Variants in GNG4 observed in about 807,000 individuals in gnomAD.
GNG4 encodes guanine nucleotide-binding protein G(I)/G(S)/G(O) subunit gamma-4.
In GNG4, 4 loss-of-function variants were observed where a neutral mutation model predicts 5.8. The observed-to-expected ratio is 0.69, with a 90% CI of 0.34 to 1.57. The LOEUF (loss-of-function observed/expected upper bound fraction) is 1.57, where lower values mean the gene tolerates loss of function less well. Among genes scored for constraint, GNG4 ranks in the 40% most tolerant of loss-of-function variants. The probability of loss-of-function intolerance (pLI) is 0.06; values close to 1 mark genes in which losing one functional copy is unlikely to be tolerated. For missense variants in GNG4, 96 were observed against 95.1 expected, an observed-to-expected ratio of 1.01 and a Z score of -0.04; for synonymous variants, 29 against 32.9, an observed-to-expected ratio of 0.88 and a Z score of 0.41.
intron 1 of GNG4, among the ~76,000 whole-genome samples, chr1:235,609,244 T>C (rs1000713081): frequency 3.3e-5 from 5 of 152,158 alleles, no homozygotes; most frequent in African/African-American, 7.2e-5. Context: ...GTGCACCACA[T>C]TTAGTTTATC....
chr1:235,609,615 T>C (rs1286272737), intron 1 of GNG4, among the ~76,000 whole-genome samples: 1 of 152,154 alleles, frequency 6.6e-6, no homozygotes, highest in Non-Finnish European at 1.5e-5. Context: ...AAGTATAGCA[T>C]AAAGAAAAGT....
chr1:235,592,638 G>C (rs1168772789), intron 2 of GNG4, among the ~76,000 whole-genome samples: 1 of 152,170 alleles, frequency 6.6e-6, no homozygotes, highest in Non-Finnish European at 1.5e-5. Context: ...TTGCAAATCA[G>C]AAGATCTTTA....
At chr1:235,638,282 C>T (rs1237330360) in intron 1 of GNG4, among the ~76,000 whole-genome samples, 1 of 152,160 alleles carries the variant, frequency 6.6e-6, no homozygotes, top group Non-Finnish European at 1.5e-5. Flanking sequence ...GGCTACAACA[C>T]ATTACCATAT....
intron 1 of GNG4, among the ~76,000 whole-genome samples, chr1:235,638,279 A>G (rs536560680): frequency 2.3e-3 from 345 of 152,254 alleles, no homozygotes; most frequent in Middle Eastern, 6.8e-3. Context: ...TGTGGCTACA[A>G]CACATTACCA....
intron 3 of GNG4, among the ~76,000 whole-genome samples, chr1:235,561,374 CTT>C (rs1315218177): frequency 6.6e-6 from 1 of 152,026 alleles, no homozygotes; most frequent in East Asian, 1.9e-4. Flanking sequence ...TTCTCTCTCT[CTT>C]GCTCTCTTGC....
At chr1:235,609,059 C>G (rs182105605) in intron 1 of GNG4, among the ~76,000 whole-genome samples, 4 of 152,090 alleles carry the variant, frequency 2.6e-5, no homozygotes, top group Non-Finnish European at 5.9e-5. Context: ...TCTCAAACAC[C>G]TGGCTCCAAG....
Position 235,600,100 on chromosome 1 carries a change from C to CTTTTTTTTTTTTTTTTTTTTTTT in GNG4, c.-122-4612_-122-4590dup, listed in dbSNP as rs533853180. Among the ~76,000 whole-genome samples, 11 of 43,138 alleles carry CTTTTTTTTTTTTTTTTTTTTTTT rather than the reference C, an allele frequency of 2.5e-4. 3 individuals are homozygous for CTTTTTTTTTTTTTTTTTTTTTTT. Among genetic ancestry groups the CTTTTTTTTTTTTTTTTTTTTTTT allele is most frequent in the South Asian group, 9.4e-4 (1 of 1,062 alleles). 28.3% of individuals were successfully genotyped at this position (43,138 alleles called of 152,430 possible). A position where few individuals can be genotyped will look rare whatever the true frequency, so the allele number is the denominator to read the frequency against. On this transcript the variant is annotated intron_variant, in intron 1 of 3. Coordinates refer to ENST00000391854, the MANE Select transcript of GNG4 (RefSeq NM_001098722.2). ...TCCTTTATCTGGTTGCGGAAGAAAG[C>CTTTTTTTTTTTTTTTTTTTTTTT]TTTTTTTTTTTTTTTTTTTTTTTTT...
chr1:235,625,660 G>A (rs542788151), intron 1 of GNG4, among the ~76,000 whole-genome samples: 1 of 152,144 alleles, frequency 6.6e-6, no homozygotes, highest in Non-Finnish European at 1.5e-5. Context: ...GCCTTTTCCA[G>A]GATGTCATAT....
At chr1:235,626,508 C>T (rs1046377483) in intron 1 of GNG4, among the ~76,000 whole-genome samples, 2 of 152,132 alleles carry the variant, frequency 1.3e-5, no homozygotes, top group Non-Finnish European at 2.9e-5. Flanking sequence ...CGATGAGACA[C>T]GGCCGAGTGC....
chr1:235,639,036 T>C (rs1248953070), intron 1 of GNG4, among the ~76,000 whole-genome samples: 2 of 152,208 alleles, frequency 1.3e-5, no homozygotes, highest in Non-Finnish European at 2.9e-5. Context: ...CGGGCCCTCC[T>C]GCATTTTTAA....
At chr1:235,581,133 G>A (rs1330634108) in intron 3 of GNG4, among the ~76,000 whole-genome samples, 1 of 152,114 alleles carries the variant, frequency 6.6e-6, no homozygotes, top group East Asian at 1.9e-4. Context: ...ACGTCAAATT[G>A]TAATCCCCAG....
intron 3 of GNG4, among the ~76,000 whole-genome samples, chr1:235,561,996 G>A (rs1232509055): frequency 6.6e-6 from 1 of 152,144 alleles, no homozygotes; most frequent in Non-Finnish European, 1.5e-5. Flanking sequence ...AATGTAAAAG[G>A]TCTGTGTCTA....
chr1:235,634,224 A>C (rs4074378), intron 1 of GNG4, among the ~76,000 whole-genome samples: 20,003 of 152,246 alleles, frequency 0.13, 2,302 homozygotes, highest in East Asian at 0.59. Context: ...GTCTGGGGCC[A>C]GTGGCACGGG....
chr1:235,600,937 A>T (rs1273539983), intron 1 of GNG4, among the ~76,000 whole-genome samples: 1 of 152,236 alleles, frequency 6.6e-6, no homozygotes, highest in Non-Finnish European at 1.5e-5. Context: ...TTGCCAAGAT[A>T]GGGCGGGCAC....
chr1:235,639,409 C>T (rs964860670), intron 1 of GNG4, among the ~76,000 whole-genome samples: 1 of 152,252 alleles, frequency 6.6e-6, no homozygotes, highest in African/African-American at 2.4e-5. Context: ...GGAAGGCTTT[C>T]GCCTTGCACT....
At chr1:235,593,267 TG>T (rs1339105856) in intron 2 of GNG4, among the ~76,000 whole-genome samples, 1 of 152,196 alleles carries the variant, frequency 6.6e-6, no homozygotes, top group Admixed American at 6.5e-5. Flanking sequence ...AAAATTCTGA[TG>T]GGCTGCATCT....
rs115945306 is a variant in GNG4, at chr1:235,599,939, C to T, written c.-122-4428G>A. 2.6e-3 allele frequency among the ~76,000 whole-genome samples: 390 copies of T among 152,210 alleles called. 3 individuals are homozygous for T. Among genetic ancestry groups the T allele is most frequent in the African/African-American group, 8.9e-3 (371 of 41,534 alleles). On this transcript the variant is annotated intron_variant, in intron 1 of 3. Transcript: ENST00000391854. ...CATTTGCATAGCATCTTCCATCCAA[C>T]GCTTGAAATGTATTTCAGATGTCAA...
intron 3 of GNG4, among the ~76,000 whole-genome samples, chr1:235,561,057 T>G (rs1687048122): frequency 6.6e-6 from 1 of 152,246 alleles, no homozygotes; most frequent in South Asian, 2.1e-4. Context: ...GTCGCCAGGC[T>G]GCAGTGCAGT....
intron 2 of GNG4, among the ~76,000 whole-genome samples, chr1:235,593,493 C>G (rs1688035951): frequency 6.6e-6 from 1 of 152,228 alleles, no homozygotes; most frequent in African/African-American, 2.4e-5. Flanking sequence ...TACAGCCGGC[C>G]TTCCGGACAA....
Sources: allele counts gnomAD v4.1 joint callset (sites outside exome capture counted in the v4.1 genomes callset), GRCh38; gene constraint gnomAD v4.1.1; transcripts MANE v1.5; gene names NCBI Gene and HGNC (gene_info 2026-07-23, HGNC 2026-07-21).